NAV1: variants seen among roughly 807,000 people sequenced by gnomAD.
The protein encoded by NAV1 is pore membrane and/or filament interacting like protein 3.
NAV1 carries 18 observed loss-of-function variants against 175.2 expected under a neutral mutation model. The observed-to-expected ratio is 0.10, with a 90% CI of 0.07 to 0.15. The LOEUF is 0.15. Among genes scored for constraint, NAV1 ranks in the 10% least tolerant of loss-of-function variants. NAV1 has a pLI of 1.00. For missense variants in NAV1, 1,731 were observed against 2,436.6 expected, an observed-to-expected ratio of 0.71 and a Z score of 6.10; for synonymous variants, 897 against 978.7, an observed-to-expected ratio of 0.92 and a Z score of 1.56.
intron 1 of NAV1, among the ~76,000 whole-genome samples, chr1:201,665,167 CG>C (rs1429164347): frequency 1.3e-5 from 2 of 152,072 alleles, no homozygotes; most frequent in Admixed American, 6.6e-5. Flanking sequence ...GTGCTCCCCC[CG>C]CACCCTGCCC....
At chr1:201,640,819 G>A (rs1321927113) in intron 2 of NAV1, among the ~76,000 whole-genome samples, 1 of 152,190 alleles carries the variant, frequency 6.6e-6, no homozygotes, top group Non-Finnish European at 1.5e-5. Flanking sequence ...TCCGAGTCAC[G>A]CATTCATTCA....
intron 1 of NAV1, among the ~76,000 whole-genome samples, chr1:201,556,492 G>C (rs79830239): frequency 0.018 from 2,706 of 152,266 alleles, 82 homozygotes; most frequent in African/African-American, 0.063. Context: ...CAGGACAGTG[G>C]GGGGACAGTG....
At chr1:201,644,297 A>G (rs1668903945), upstream of NAV1, among the ~76,000 whole-genome samples, 1 of 152,198 alleles carries the variant, frequency 6.6e-6, no homozygotes, top group Non-Finnish European at 1.5e-5. Context: ...AGATAATGTG[A>G]CAGGGCAGGT....
intron 11 of NAV1, among the ~76,000 whole-genome samples, chr1:201,790,005 C>T (rs1677009199): frequency 6.6e-6 from 1 of 152,152 alleles, no homozygotes; most frequent in African/African-American, 2.4e-5. Context: ...GCCCCACCAC[C>T]AGCTCCTGAG....
At chr1:201,563,273 G>A (rs887759739) in intron 1 of NAV1, among the ~76,000 whole-genome samples, 1 of 152,150 alleles carries the variant, frequency 6.6e-6, no homozygotes, top group Non-Finnish European at 1.5e-5. Flanking sequence ...CTCGAAGAGC[G>A]TCCGGACGCC....
At position 201,787,175 on chromosome 1, in the gene NAV1, AGAG is replaced by A. The variant is rs1250180792; in HGVS notation, c.2995+601_2995+603del. 6.6e-6 allele frequency among the ~76,000 whole-genome samples: 1 copy of A among 152,198 alleles called. No homozygotes were observed. The highest frequency in any genetic ancestry group is 1.5e-5 in the Non-Finnish European group (1 of 68,034). ...AGGAAGTGACTTAGAGACAGGGAGG[AGAG>A]GAAGCATCAGGTGGAGGGTCTGGCC... On this transcript the variant is annotated intron_variant, in intron 9 of 29. Transcript: ENST00000367296. The surrounding 1 kb of genome is among the most constrained non-coding windows in gnomAD (Gnocchi z 4.3).
At position 201,781,003 on chromosome 1, in the gene NAV1, T is replaced by G. The variant is rs1676291674; in HGVS notation, c.1366-9T>G. ...AGTATCTCACTCTGCCTTTTTCTCT[T>G]TTCTTTAGCTACGCACAGACTCAGA... On this transcript the variant is annotated splice_polypyrimidine_tract_variant and intron_variant, in intron 4 of 29. Coordinates refer to ENST00000367296, the Ensembl canonical transcript of NAV1. The G allele has an allele frequency of 1.3e-6, 2 of 1,584,668 alleles. No individual in the cohort carries two copies. Among genetic ancestry groups the G allele is most frequent in the South Asian group, 2.3e-5 (2 of 86,388 alleles).
At chr1:201,805,731 T>A (rs1485055063) in intron 17 of NAV1, among the ~76,000 whole-genome samples, 1 of 152,058 alleles carries the variant, frequency 6.6e-6, no homozygotes, top group Non-Finnish European at 1.5e-5. Context: ...AAGATCAGCC[T>A]GGGCAACATA....
chr1:201,739,182 C>G (rs1014829454), intron 3 of NAV1: 1 of 152,182 alleles, frequency 6.6e-6, no homozygotes, highest in Non-Finnish European at 1.5e-5. Flanking sequence ...GCTGTTGTTT[C>G]TCTCCCACAA....
chr1:201,597,978 G>A (rs1457169602), intron 2 of NAV1, among the ~76,000 whole-genome samples: 1 of 152,216 alleles, frequency 6.6e-6, no homozygotes, highest in East Asian at 1.9e-4. Context: ...AGGATGCCTG[G>A]GCGTCAAGAT....
At chr1:201,756,871 T>C (rs1458364082) in intron 3 of NAV1, among the ~76,000 whole-genome samples, 2 of 120,874 alleles carry the variant, frequency 1.7e-5, no homozygotes, top group African/African-American at 3.6e-5. Flanking sequence ...TTTCTTTCTT[T>C]CTTTCTTTCT....
intron 1 of NAV1, among the ~76,000 whole-genome samples, chr1:201,541,633 G>A (rs1325412374): frequency 2.6e-5 from 4 of 152,220 alleles, no homozygotes; most frequent in Admixed American, 6.5e-5. Context: ...AATTAGCCGG[G>A]TGTGGTGGCA....
chr1:201,656,775 G>C (rs1669422246), intron 1 of NAV1, among the ~76,000 whole-genome samples: 1 of 152,214 alleles, frequency 6.6e-6, no homozygotes, highest in Non-Finnish European at 1.5e-5. Context: ...CAGCTGGGCA[G>C]GTTTAAAAGA....
At chr1:201,683,901 C>T (rs1261775095) in intron 1 of NAV1, among the ~76,000 whole-genome samples, 1 of 151,450 alleles carries the variant, frequency 6.6e-6, no homozygotes, top group Non-Finnish European at 1.5e-5. Flanking sequence ...CTAAATTCTT[C>T]TTTATGGGAG....
chr1:201,791,408 C>A (rs1348145138), intron 13 of NAV1: 1 of 152,282 alleles, frequency 6.6e-6, no homozygotes, highest in Non-Finnish European at 1.5e-5. Flanking sequence ...TTTCTTTAGA[C>A]CTTAGTTTTT....
At chr1:201,785,014 C>T (rs574658997) in intron 7 of NAV1, among the ~76,000 whole-genome samples, 4 of 152,056 alleles carry the variant, frequency 2.6e-5, no homozygotes, top group African/African-American at 4.8e-5. Flanking sequence ...GTGATCCACC[C>T]GCCTTGGCCT....
chr1:201,821,351 G>A (rs1298360170), exon 30 of NAV1: 2 of 152,548 alleles, frequency 1.3e-5, no homozygotes, highest in Non-Finnish European at 2.9e-5. Flanking sequence ...GACTCAAGGA[G>A]TTTGACTTGG....
intron 3 of NAV1, among the ~76,000 whole-genome samples, chr1:201,755,110 T>C (rs187593115): frequency 2.0e-5 from 3 of 152,342 alleles, no homozygotes; most frequent in Admixed American, 6.5e-5. Context: ...TATGCCCCAG[T>C]TGACATTTTG....
At chr1:201,798,991 C>T (rs1259631514) in intron 15 of NAV1, among the ~76,000 whole-genome samples, 2 of 151,700 alleles carry the variant, frequency 1.3e-5, no homozygotes, top group African/African-American at 2.4e-5. Context: ...CATGAGCCAC[C>T]GTGTCCAGCC....
Sources: gnomAD v4.1 joint callset for allele counts (sites outside exome capture counted in the v4.1 genomes callset) on GRCh38, gnomAD v4.1.1 for gene constraint, Gnocchi (gnomAD v3.1) non-coding constraint, MANE v1.5 for transcripts, NCBI Gene and HGNC (gene_info 2026-07-23, HGNC 2026-07-21) for gene names.